The following KCNQ1 variants were observed in gnomAD, a reference collection of about 807,000 sequenced individuals.
The protein encoded by KCNQ1 is potassium voltage-gated channel subfamily Q member 1, also known as potassium voltage-gated channel subfamily KQT member 1.
KCNQ1 carries 49 observed loss-of-function variants against 72.4 expected under a neutral mutation model. The ratio of observed to expected loss-of-function variants is 0.68; its 90% CI spans 0.54 to 0.86. The LOEUF (loss-of-function observed/expected upper bound fraction) is 0.86. KCNQ1 is among the 40% of genes least tolerant of loss of function. KCNQ1 has a pLI of 0.00. For synonymous variants in KCNQ1, 450 were observed against 412.6 expected, an observed-to-expected ratio of 1.09 and a Z score of -1.10; for missense variants, 790 against 945.1, an observed-to-expected ratio of 0.84 and a Z score of 2.15.
chr11:2,794,504 T>G (rs1234629030), intron 15 of KCNQ1, among the ~76,000 whole-genome samples: 2 of 151,988 alleles, frequency 1.3e-5, no homozygotes, highest in South Asian at 4.1e-4. Flanking sequence ...GGGGAGGCCG[T>G]GGTCAGGGGC....
chr11:2,847,530 C>T (rs1259498448), intron 15 of KCNQ1, among the ~76,000 whole-genome samples: 1 of 152,198 alleles, frequency 6.6e-6, no homozygotes, highest in Non-Finnish European at 1.5e-5. Context: ...ATAGGGACTC[C>T]CAGCACGCAC....
intron 1 of KCNQ1, among the ~76,000 whole-genome samples, chr11:2,445,696 C>G (rs552911180): frequency 4.6e-5 from 7 of 151,914 alleles, no homozygotes; most frequent in Non-Finnish European, 1.0e-4. Flanking sequence ...TCTCGCAGGC[C>G]CGGCGTGGGG....
Position 2,759,717 on chromosome 11 carries a change from G to T in KCNQ1, c.1515-9127G>T, listed in dbSNP as rs1200919962. 2.0e-5 allele frequency among the ~76,000 whole-genome samples: 3 copies of T among 152,226 alleles called. No homozygotes were observed. The highest frequency in any genetic ancestry group is 7.2e-5 in the African/African-American group (3 of 41,458). ...GCCGAGAGCTTGTCCAGGCAGGGTG[G>T]ATACAAGGGGCTTGCATCTGACTTA... On this transcript the variant is annotated intron_variant, in intron 11 of 15. Transcript: ENST00000155840. The surrounding 1 kb of genome is among the most constrained non-coding windows in gnomAD (Gnocchi z 4.4).
intron 11 of KCNQ1, among the ~76,000 whole-genome samples, chr11:2,751,249 A>G (rs1224365632): frequency 1.3e-5 from 2 of 152,046 alleles, no homozygotes; most frequent in Non-Finnish European, 2.9e-5. Context: ...TCTTTCTCCA[A>G]CTAGCATGGG....
At chr11:2,514,039 G>T (rs1199374713) in intron 1 of KCNQ1, among the ~76,000 whole-genome samples, 1 of 152,210 alleles carries the variant, frequency 6.6e-6, no homozygotes, top group Non-Finnish European at 1.5e-5. Context: ...GTCTCCATTT[G>T]GGGGGTGTGC....
intron 10 of KCNQ1, chr11:2,619,165 AT>A (rs1158141158): frequency 1.5e-5 from 6 of 398,410 alleles, no homozygotes; most frequent in African/African-American, 1.2e-4. Flanking sequence ...AATGTCTTTC[AT>A]TTCTTTTTCT....
intron 11 of KCNQ1, among the ~76,000 whole-genome samples, chr11:2,707,263 C>A (rs978218140): frequency 3.9e-5 from 6 of 152,188 alleles, no homozygotes; most frequent in Admixed American, 3.3e-4. Context: ...GGGGACAGGC[C>A]TGTGCCAGAA....
intron 1 of KCNQ1, among the ~76,000 whole-genome samples, chr11:2,487,426 T>C (rs1846758576): frequency 6.6e-6 from 1 of 152,228 alleles, no homozygotes; most frequent in Non-Finnish European, 1.5e-5. Flanking sequence ...CATTGGGATT[T>C]TGAGAGGGAT....
rs1848914767 is a variant in KCNQ1, at chr11:2,608,349, A to G, written c.1393+19495A>G. ...TTCTTAGTCAGTTTTCATAGTTTTCATCTTTCTAGGAATTTGTCAATTTCA... is the reference window on the plus strand; with the variant it reads ...TTCTTAGTCAGTTTTCATAGTTTTCGTCTTTCTAGGAATTTGTCAATTTCA... On this transcript the variant is annotated intron_variant, in intron 10 of 15. Coordinates refer to ENST00000155840, the MANE Select transcript of KCNQ1 (RefSeq NM_000218.3). This position sits in a 1 kb window ranked among gnomAD's most constrained non-coding sequence, Gnocchi z 4.6. 1 of 398,474 alleles carries G rather than the reference A, an allele frequency of 2.5e-6. No homozygotes were observed. The highest frequency in any genetic ancestry group is 4.4e-6 in the Non-Finnish European group (1 of 226,036). 24.7% of individuals were successfully genotyped at this position (398,474 alleles called of 1,614,324 possible). A position where few individuals can be genotyped will look rare whatever the true frequency, so the allele number is the denominator to read the frequency against.
In KCNQ1 at chr11:2,687,048, G is replaced by T; in HGVS notation, c.1514+24967G>T. On this transcript the variant is annotated intron_variant, in intron 11 of 15. Coordinates refer to ENST00000155840, the MANE Select transcript of KCNQ1 (RefSeq NM_000218.3). This position sits in a 1 kb window ranked among gnomAD's most constrained non-coding sequence, Gnocchi z 5.0. ...CTAAAACTCAGCAGTCCCAGCTCTG[G>T]GGGACAAGGACCCACAAAGTGATGC... The T allele has an allele frequency of 2.5e-6, 1 of 398,652 alleles. No homozygotes were observed. Among genetic ancestry groups the T allele is most frequent in the South Asian group, 1.3e-4 (1 of 7,840 alleles). The allele number at this position is 398,652 out of a possible 1,614,324, so 24.7% of individuals were successfully genotyped here.
chr11:2,666,925 C>A, intron 11 of KCNQ1: 1 of 398,674 alleles, frequency 2.5e-6, no homozygotes, highest in Non-Finnish European at 4.4e-6. Flanking sequence ...CTGCAAAGCT[C>A]CAGACCACCT....
chr11:2,485,514 C>G (rs1846727691), intron 1 of KCNQ1, among the ~76,000 whole-genome samples: 1 of 152,162 alleles, frequency 6.6e-6, no homozygotes, highest in Non-Finnish European at 1.5e-5. Context: ...TCTTGTAGAT[C>G]TTTAATTGCG....
rs967694097 is a variant in KCNQ1, at chr11:2,599,436, CTGTGA to C, written c.1393+10586_1393+10590del. Among the ~76,000 whole-genome samples the C allele has an allele frequency of 2.6e-5, 4 of 152,268 alleles. No individual in the cohort carries two copies. Among genetic ancestry groups the C allele is most frequent in the African/African-American group, 9.6e-5 (4 of 41,558 alleles). ...CTTAATTTCCTTTGGTGTACATACT[CTGTGA>C]TGTTCTCTATCGCTTAAAATTCATT... is the stretch of plus-strand genomic sequence containing the variant. On this transcript the variant is annotated intron_variant, in intron 10 of 15. Coordinates refer to ENST00000155840, the MANE Select transcript of KCNQ1 (RefSeq NM_000218.3). This position sits in a 1 kb window ranked among gnomAD's most constrained non-coding sequence, Gnocchi z 4.7.
chr11:2,480,794 A>G (rs1334333421), intron 1 of KCNQ1, among the ~76,000 whole-genome samples: 1 of 149,018 alleles, frequency 6.7e-6, no homozygotes, highest in Non-Finnish European at 1.5e-5. Context: ...ACAGTACCAC[A>G]TGGTTACAGA....
chr11:2,609,268 TTC>T (rs1848935191), intron 10 of KCNQ1: 2 of 398,242 alleles, frequency 5.0e-6, no homozygotes, highest in South Asian at 2.5e-4. Context: ...CCCTTGTGAA[TTC>T]TTTCACCCAT....
chr11:2,814,925 T>A (rs941310419), intron 15 of KCNQ1, among the ~76,000 whole-genome samples: 6 of 152,206 alleles, frequency 3.9e-5, no homozygotes, highest in Non-Finnish European at 8.8e-5. Flanking sequence ...CTCTGGAGCC[T>A]GGCCTGGGAT....
At chr11:2,771,404 A>C (rs2133984018) in intron 12 of KCNQ1, 1 of 152,402 alleles carries the variant, frequency 6.6e-6, no homozygotes, top group South Asian at 2.1e-4. Flanking sequence ...CCTCCTGGCC[A>C]AGCGTCTGCA....
rs1031801808 is a variant in KCNQ1, at chr11:2,498,490, G to C, written c.387-29438G>C. Among the ~76,000 whole-genome samples, 3 of 152,150 alleles carry C rather than the reference G, an allele frequency of 2.0e-5. No individual in the cohort carries two copies. Among genetic ancestry groups the C allele is most frequent in the Non-Finnish European group, 4.4e-5 (3 of 68,018 alleles). The stretch of plus-strand genomic sequence containing the variant: ...CCCAGCCTCCTTAGCACTATCAGGG[G>C]AAAACCGCCTACTAAAGCCTCAGTA... On this transcript the variant is annotated intron_variant, in intron 1 of 15. Transcript: ENST00000155840. The surrounding 1 kb of genome is among the most constrained non-coding windows in gnomAD (Gnocchi z 4.8).
rs1277874276 is a variant in KCNQ1, at chr11:2,498,682, A to T, written c.387-29246A>T. 6.6e-6 allele frequency among the ~76,000 whole-genome samples: 1 copy of T among 152,094 alleles called. No individual in the cohort carries two copies. Among genetic ancestry groups the T allele is most frequent in the African/African-American group, 2.4e-5 (1 of 41,394 alleles). ...GCTTCCTGGCCTCAGCCCCCTTTCC[A>T]GGGGAGTAAATGATTCTGTCTTGCT... is the stretch of plus-strand genomic sequence containing the variant. On this transcript the variant is annotated intron_variant, in intron 1 of 15. Transcript: ENST00000155840. The surrounding 1 kb of genome is among the most constrained non-coding windows in gnomAD (Gnocchi z 4.8).
Sources: allele counts gnomAD v4.1 joint callset (sites outside exome capture counted in the v4.1 genomes callset), GRCh38; gene constraint gnomAD v4.1.1; non-coding constraint Gnocchi (gnomAD v3.1); transcripts MANE v1.5; gene names NCBI Gene and HGNC (gene_info 2026-07-23, HGNC 2026-07-21).